Variants in ACSM1 observed in about 807,000 individuals in gnomAD.
The protein encoded by ACSM1 is acyl-coenzyme A synthetase ACSM1, mitochondrial.
Under a neutral mutation model 75.8 loss-of-function variants are expected in ACSM1, and 79 were observed. The observed-to-expected ratio is 1.04, with a 90% CI of 0.87 to 1.26. The LOEUF (loss-of-function observed/expected upper bound fraction) is 1.26. Ranked by LOEUF, ACSM1 falls within the 50% of genes most tolerant of loss-of-function variation. The pLI is 0.00. For missense variants in ACSM1, 676 were observed against 720.1 expected (o/e 0.94, Z 0.70); for synonymous variants, 279 against 265.8 (o/e 1.05, Z -0.48).
At chr16:20,671,766 C>T in intron 4 of ACSM1, 95 bp from the exon 5 acceptor site, 1 of 1,372,202 alleles carries the variant, frequency 7.3e-7, no homozygotes. Context: ...GGACAGGAAA[C>T]TGGGAGTTTG....
intron 4 of ACSM1, among the ~76,000 whole-genome samples, chr16:20,673,596 G>C (rs1292245110): frequency 2.0e-5 from 3 of 152,092 alleles, no homozygotes; most frequent in Admixed American, 2.0e-4. Context: ...GGCAGAAGGG[G>C]CCTTTCTTAT....
intron 1 of ACSM1, among the ~76,000 whole-genome samples, chr16:20,695,005 A>G (rs1490063447): frequency 2.0e-5 from 3 of 152,090 alleles, no homozygotes; most frequent in African/African-American, 7.2e-5. Flanking sequence ...TGTTTAAACC[A>G]CTCAGTCATT....
rs1466215431 is a variant in ACSM1, at chr16:20,685,286, G to T, written c.310C>A (p.Gln104Lys). 3.1e-6 allele frequency: 5 copies of T among 1,614,100 alleles called. No individual in the cohort carries two copies. The highest frequency in any genetic ancestry group is 4.2e-6 in the Non-Finnish European group (5 of 1,180,044). The change falls in exon 3 of 14, where the codon CAG becomes AAG. Residue 104 changes from glutamine to lysine, a missense_variant. By Grantham distance (53) the Gln-to-Lys change is moderately conservative (BLOSUM62 1). Transcript: ENST00000520010. ...TCTCCCTGTTGTAGGCCACAGGTCT[G>T]TGTGAAGACGTTGGCTACACGGCGG... is the stretch of plus-strand genomic sequence containing the variant. ...LTRRVANVFT[Q>K]TCGLQQGDHL...
intron 4 of ACSM1, among the ~76,000 whole-genome samples, chr16:20,672,857 A>AATATATAATATATAAATATAAAT (rs2020034849): frequency 1.5e-5 from 2 of 129,854 alleles, no homozygotes; most frequent in African/African-American, 3.0e-5. Flanking sequence ...TAATATATGT[A>AATATATAATATATAAATATAAAT]ATATATAATA....
intron 10 of ACSM1, among the ~76,000 whole-genome samples, chr16:20,633,612 A>G (rs762519516): frequency 7.3e-5 from 11 of 150,838 alleles, no homozygotes; most frequent in Non-Finnish European, 1.2e-4. Flanking sequence ...AGCTATCTAC[A>G]GAGGCAACAC....
intron 4 of ACSM1, chr16:20,676,231 G>A (rs760074152): frequency 6.6e-6 from 1 of 152,202 alleles, no homozygotes; most frequent in African/African-American, 2.4e-5. Flanking sequence ...TGCCTCTTAA[G>A]AGGACAAGAG....
chr16:20,626,211 C>A (rs1462449193), intron 11 of ACSM1, among the ~76,000 whole-genome samples: 8 of 152,050 alleles, frequency 5.3e-5, no homozygotes, highest in Admixed American at 3.9e-4. Flanking sequence ...GATGGTGAAA[C>A]CCCATCTCTA....
At position 20,668,357 on chromosome 16, in the gene ACSM1, T is replaced by C. The variant is rs529166197; in HGVS notation, c.912+1470A>G. Among the ~76,000 whole-genome samples the C allele has an allele frequency of 3.3e-5, 5 of 152,258 alleles. No homozygotes were observed. The South Asian group carries it at 1.0e-3, about 32-fold the overall frequency. On this transcript the variant is annotated intron_variant, in intron 6 of 13. Coordinates refer to ENST00000520010, the MANE Select transcript of ACSM1 (RefSeq NM_001318890.3). ...TACATAAAGACCTTTTGGGACACTC[T>C]CTATAGCAGCGGAAGAATTAGGCAT...
chr16:20,654,537 C>G (rs569063981), intron 7 of ACSM1, among the ~76,000 whole-genome samples: 3 of 152,158 alleles, frequency 2.0e-5, no homozygotes, highest in Non-Finnish European at 4.4e-5. Context: ...CTACAAACAA[C>G]TCAAACAAAT....
At position 20,624,652 on chromosome 16, in the gene ACSM1, C is replaced by T. The variant is rs182371419; in HGVS notation, c.1528-437G>A. On this transcript the variant is annotated intron_variant, in intron 12 of 13. Transcript: ENST00000520010. The stretch of plus-strand genomic sequence containing the variant: ...ATTATTTTTAGATTAGCAATGTTAT[C>T]CAAGTTTTATTGCACAAGGTCTCAC... Among the ~76,000 whole-genome samples, 5 of 152,296 alleles carry T rather than the reference C, an allele frequency of 3.3e-5. No homozygotes were observed. In the East Asian group the frequency reaches 7.7e-4, roughly 23 times the overall value.
intron 10 of ACSM1, among the ~76,000 whole-genome samples, chr16:20,632,802 C>T (rs1039695207): frequency 2.0e-5 from 3 of 148,954 alleles, no homozygotes; most frequent in South Asian, 2.2e-4. Flanking sequence ...CACTAGCAAA[C>T]CAAATCCAGA....
chr16:20,680,156 T>C (rs2079409433), intron 4 of ACSM1: 1 of 152,196 alleles, frequency 6.6e-6, no homozygotes, highest in African/African-American at 2.4e-5. Context: ...CAAACCAAAC[T>C]GTAAGACAAG....
intron 6 of ACSM1, among the ~76,000 whole-genome samples, chr16:20,669,462 A>G (rs1229830954): frequency 6.6e-6 from 1 of 151,560 alleles, no homozygotes; most frequent in Non-Finnish European, 1.5e-5. Context: ...ACACACACAC[A>G]CACACACACA....
At chr16:20,647,276 C>G (rs972731295) in intron 7 of ACSM1, among the ~76,000 whole-genome samples, 1 of 152,150 alleles carries the variant, frequency 6.6e-6, no homozygotes. Context: ...AACCTTGGAC[C>G]GGGTTCGCCC....
At chr16:20,675,204 C>T (rs1314264060) in intron 4 of ACSM1, among the ~76,000 whole-genome samples, 1 of 152,024 alleles carries the variant, frequency 6.6e-6, no homozygotes, top group Non-Finnish European at 1.5e-5. Context: ...ACTAGGCTCA[C>T]CCGGGACACG....
chr16:20,657,970 G>C (rs1169900128), intron 7 of ACSM1, among the ~76,000 whole-genome samples: 2 of 152,184 alleles, frequency 1.3e-5, no homozygotes, highest in Admixed American at 6.5e-5. Context: ...GTATTCCATG[G>C]TGTATATGTG....
At chr16:20,631,730 C>G (rs764658058) in intron 10 of ACSM1, among the ~76,000 whole-genome samples, 6 of 152,166 alleles carry the variant, frequency 3.9e-5, no homozygotes, top group Non-Finnish European at 8.8e-5. Flanking sequence ...TTGGAAGGAG[C>G]TGGAGGCCAT....
At position 20,671,663 on chromosome 16, in the gene ACSM1, G is replaced by A. The variant is rs1461559057; in HGVS notation, c.620C>T (p.Ser207Phe). Residue 207 changes from serine (S) to phenylalanine (F), a missense_variant, in exon 5 of 14, where the codon TCC becomes TTC. Transcript: ENST00000520010. ...TGACTTAACACAGGTGTGTTCTGGG[G>A]ATGCTGATCTGCAAAGGGGTTCAAG... is the stretch of plus-strand genomic sequence containing the variant. ...LDFRSLVKSA[S>F]PEHTCVKSKT... 3.8e-6 allele frequency: 6 copies of A among 1,573,002 alleles called. No homozygotes were observed. Among genetic ancestry groups the A allele is most frequent in the Non-Finnish European group, 5.2e-6 (6 of 1,157,840 alleles).
At chr16:20,683,898 G>T (rs1416054620) in intron 3 of ACSM1, among the ~76,000 whole-genome samples, 1 of 151,926 alleles carries the variant, frequency 6.6e-6, no homozygotes, top group African/African-American at 2.4e-5. Context: ...CCATCTTATA[G>T]GTCTACAGAT....
Sources: allele counts gnomAD v4.1 joint callset (sites outside exome capture counted in the v4.1 genomes callset), GRCh38; gene constraint gnomAD v4.1.1; transcripts MANE v1.5; gene names NCBI Gene and HGNC (gene_info 2026-07-23, HGNC 2026-07-21).